The following DCBLD2 variants were observed in gnomAD, a reference collection of about 807,000 sequenced individuals.
The protein encoded by DCBLD2 is discoidin, CUB and LCCL domain containing 2.
A neutral mutation model predicts 86.8 loss-of-function variants in DCBLD2; 54 were observed. The observed-to-expected ratio is 0.62, with a 90% CI of 0.50 to 0.78. DCBLD2 has a LOEUF of 0.78. DCBLD2 is among the 30% of genes least tolerant of loss of function. The probability of loss-of-function intolerance (pLI) is 0.00; values close to 1 mark genes in which losing one functional copy is unlikely to be tolerated. For missense variants in DCBLD2, 908 were observed against 954.2 expected (o/e 0.95, Z 0.64); for synonymous variants, 354 against 341.3 (o/e 1.04, Z -0.41).
intron 1 of DCBLD2, among the ~76,000 whole-genome samples, chr3:98,888,650 T>C (rs2107528413): frequency 6.6e-6 from 1 of 152,188 alleles, no homozygotes; most frequent in Admixed American, 6.5e-5. Flanking sequence ...AGAACAGCTT[T>C]TGCCCATTGT....
intron 3 of DCBLD2, among the ~76,000 whole-genome samples, chr3:98,841,471 T>C (rs1942619281): frequency 6.6e-6 from 1 of 152,230 alleles, no homozygotes; most frequent in African/African-American, 2.4e-5. Context: ...TGTTGACCCA[T>C]ATATAATACC....
At chr3:98,856,150 A>C (rs1430694972) in intron 2 of DCBLD2, among the ~76,000 whole-genome samples, 5 of 152,202 alleles carry the variant, frequency 3.3e-5, no homozygotes, top group African/African-American at 1.2e-4. Context: ...GAGATGTCAA[A>C]ACCTTTTAAT....
intron 13 of DCBLD2, among the ~76,000 whole-genome samples, chr3:98,803,387 T>C (rs531071485): frequency 6.6e-6 from 1 of 152,360 alleles, no homozygotes; most frequent in South Asian, 2.1e-4. Context: ...TTTTTGTACA[T>C]TGATTTTGTA....
At chr3:98,810,520 T>C (rs1941920344) in intron 12 of DCBLD2, among the ~76,000 whole-genome samples, 1 of 152,250 alleles carries the variant, frequency 6.6e-6, no homozygotes, top group South Asian at 2.1e-4. Context: ...GTGACAACTC[T>C]GATACTTAGT....
intron 1 of DCBLD2, among the ~76,000 whole-genome samples, chr3:98,885,402 C>T (rs535934525): frequency 4.2e-5 from 6 of 144,318 alleles, no homozygotes; most frequent in African/African-American, 1.6e-4. Context: ...AAAGGGAAGG[C>T]TAGACATATA....
intron 9 of DCBLD2, chr3:98,812,701 A>G (rs1941958933): frequency 2.4e-6 from 1 of 418,450 alleles, no homozygotes; most frequent in Non-Finnish European, 4.2e-6. Context: ...TATTTAATAT[A>G]GAAATGATTT....
intron 1 of DCBLD2, among the ~76,000 whole-genome samples, chr3:98,882,467 G>A (rs367564708): frequency 1.3e-5 from 2 of 151,752 alleles, no homozygotes; most frequent in East Asian, 3.9e-4. Flanking sequence ...GGGTACATGT[G>A]CACAATGCGC....
At chr3:98,860,704 T>A (rs537415325) in intron 2 of DCBLD2, among the ~76,000 whole-genome samples, 1 of 152,242 alleles carries the variant, frequency 6.6e-6, no homozygotes, top group African/African-American at 2.4e-5. Context: ...AGGCCTGCCC[T>A]AAAAGAGCTC....
chr3:98,892,927 A>G (rs181100681), intron 1 of DCBLD2, among the ~76,000 whole-genome samples: 4 of 152,276 alleles, frequency 2.6e-5, no homozygotes, highest in Non-Finnish European at 5.9e-5. Flanking sequence ...CAACAGGCAG[A>G]AGGCTGAAGA....
intron 2 of DCBLD2, among the ~76,000 whole-genome samples, chr3:98,878,373 C>CA (rs1212155245): frequency 2.6e-5 from 4 of 152,266 alleles, no homozygotes; most frequent in Non-Finnish European, 5.9e-5. Context: ...ATCAGACACA[C>CA]ATCCCACGAA....
At chr3:98,877,613 T>C (rs1943394283) in intron 2 of DCBLD2, among the ~76,000 whole-genome samples, 1 of 152,130 alleles carries the variant, frequency 6.6e-6, no homozygotes, top group Non-Finnish European at 1.5e-5. Flanking sequence ...TATATACATA[T>C]GTATATACAA....
intron 3 of DCBLD2, among the ~76,000 whole-genome samples, chr3:98,829,099 C>T (rs139145884): frequency 4.4e-4 from 67 of 152,232 alleles, no homozygotes; most frequent in African/African-American, 1.6e-3. Flanking sequence ...ATGGTGATAA[C>T]TGTACAACTC....
At chr3:98,866,882 C>T (rs1576191713) in intron 2 of DCBLD2, among the ~76,000 whole-genome samples, 1 of 152,140 alleles carries the variant, frequency 6.6e-6, no homozygotes, top group Non-Finnish European at 1.5e-5. Context: ...TTAGTTTTTG[C>T]ATAAGGTGTA....
intron 2 of DCBLD2, among the ~76,000 whole-genome samples, chr3:98,853,704 T>C (rs966395195): frequency 3.9e-5 from 6 of 152,354 alleles, no homozygotes; most frequent in Admixed American, 1.3e-4. Flanking sequence ...AGAGGGGAGA[T>C]AGTGCATCTG....
intron 3 of DCBLD2, among the ~76,000 whole-genome samples, chr3:98,848,924 C>T (rs573610992): frequency 2.0e-3 from 309 of 152,212 alleles, no homozygotes; most frequent in African/African-American, 6.9e-3. Context: ...AATCCCAGCA[C>T]TTTGGGAGGC....
At chr3:98,825,746 A>C (rs922091331) in intron 3 of DCBLD2, among the ~76,000 whole-genome samples, 1 of 150,296 alleles carries the variant, frequency 6.7e-6, no homozygotes, top group Non-Finnish European at 1.5e-5. Context: ...ACAGCTACCC[A>C]CACACAGAAA....
chr3:98,872,351 C>A (rs1943293745), intron 2 of DCBLD2, among the ~76,000 whole-genome samples: 1 of 152,120 alleles, frequency 6.6e-6, no homozygotes, highest in Non-Finnish European at 1.5e-5. Context: ...TGTTATAAAG[C>A]AAGTCAGCCT....
At chr3:98,819,165 T>C in intron 8 of DCBLD2, 37 bp downstream of exon 8, 1 of 1,512,526 alleles carries the variant, frequency 6.6e-7, no homozygotes, top group Non-Finnish European at 8.9e-7. Context: ...ATAAAATAAG[T>C]GTTACAAATT....
intron 13 of DCBLD2, among the ~76,000 whole-genome samples, chr3:98,807,324 C>T (rs914772978): frequency 6.6e-6 from 1 of 152,110 alleles, no homozygotes; most frequent in African/African-American, 2.4e-5. Flanking sequence ...TCCTAACCCC[C>T]GTTAGAAAGT....
Sources: allele counts gnomAD v4.1 joint callset (sites outside exome capture counted in the v4.1 genomes callset), GRCh38; gene constraint gnomAD v4.1.1; transcripts MANE v1.5; gene names NCBI Gene and HGNC (gene_info 2026-07-23, HGNC 2026-07-21).